UMAD1: variants seen among roughly 807,000 people sequenced by gnomAD.
UMAD1 encodes the protein UBAP1-MVB12-associated (UMA)-domain containing protein 1.
Under a neutral mutation model 6.1 loss-of-function variants are expected in UMAD1, and 8 were observed. The ratio of observed to expected loss-of-function variants is 1.30; its 90% CI spans 0.76 to 2.35. The LOEUF (loss-of-function observed/expected upper bound fraction) is 2.35, where lower values mean the gene tolerates loss of function less well. UMAD1 is among the 30% of genes most tolerant of loss of function. The pLI, the probability that UMAD1 is intolerant of heterozygous loss-of-function variation, is 0.00. For missense variants in UMAD1, 130 were observed against 78.4 expected, an observed-to-expected ratio of 1.66 and a Z score of -2.49; for synonymous variants, 56 against 31.4, an observed-to-expected ratio of 1.78 and a Z score of -2.61.
chr7:7,728,209 T>G (rs1049573059), intron 2 of UMAD1, among the ~76,000 whole-genome samples: 17 of 152,198 alleles, frequency 1.1e-4, no homozygotes, highest in East Asian at 5.8e-4. Flanking sequence ...TGTAGGAATC[T>G]TTATAGTCAA....
intron 2 of UMAD1, among the ~76,000 whole-genome samples, chr7:7,704,355 A>C (rs1333756751): frequency 6.6e-6 from 1 of 152,146 alleles, no homozygotes; most frequent in Admixed American, 6.5e-5. Flanking sequence ...CTAATATGAA[A>C]AATATTAACA....
chr7:7,779,355 C>A lies in UMAD1; in HGVS notation c.83-22315C>A, dbSNP rs896513146. ...GCAGTACTACAATCATAGCTGACTT[C>A]CTGGGCTCAAGCAGTCCTCCCTTTT... On this transcript the variant is annotated intron_variant, in intron 2 of 3. Transcript: ENST00000682710. 3.9e-5 allele frequency among the ~76,000 whole-genome samples: 6 copies of A among 152,050 alleles called. No individual in the cohort carries two copies. In the South Asian group the frequency reaches 8.3e-4, roughly 21 times the overall value.
intron 3 of UMAD1, among the ~76,000 whole-genome samples, chr7:7,826,179 T>C (rs1247655214): frequency 2.6e-5 from 4 of 152,168 alleles, no homozygotes; most frequent in Non-Finnish European, 5.9e-5. Context: ...AAGTAATTGA[T>C]ATTCCTGAAC....
At chr7:7,780,853 G>A (rs553582281) in intron 2 of UMAD1, among the ~76,000 whole-genome samples, 160 of 152,164 alleles carry the variant, frequency 1.1e-3, no homozygotes, top group African/African-American at 3.8e-3. Flanking sequence ...GCATTAATAT[G>A]TTTTAAAACA....
chr7:7,707,133 T>C (rs952700235), intron 2 of UMAD1, among the ~76,000 whole-genome samples: 4 of 152,188 alleles, frequency 2.6e-5, no homozygotes, highest in Non-Finnish European at 5.9e-5. Context: ...GGATTGCTGT[T>C]TGTGCACATT....
chr7:7,837,845 C>T (rs909669790), intron 3 of UMAD1, among the ~76,000 whole-genome samples: 5 of 151,962 alleles, frequency 3.3e-5, no homozygotes, highest in Admixed American at 2.6e-4. Context: ...ACGTGAAAAC[C>T]CTACATAAGG....
intron 1 of UMAD1, among the ~76,000 whole-genome samples, chr7:7,659,826 C>T (rs1056614523): frequency 6.6e-6 from 1 of 152,054 alleles, no homozygotes; most frequent in Non-Finnish European, 1.5e-5. Flanking sequence ...TCTGCTTGGT[C>T]CAGAGCCAAG....
At chr7:7,686,187 G>C (rs1452030542) in intron 2 of UMAD1, among the ~76,000 whole-genome samples, 1 of 152,156 alleles carries the variant, frequency 6.6e-6, no homozygotes. Flanking sequence ...TATTCTAGGT[G>C]GTGGGGCAGA....
intron 3 of UMAD1, among the ~76,000 whole-genome samples, chr7:7,847,591 T>A (rs1783829202): frequency 6.6e-6 from 1 of 152,078 alleles, no homozygotes; most frequent in South Asian, 2.1e-4. Context: ...CTCATTTCAT[T>A]GCATGTTACT....
intron 2 of UMAD1, among the ~76,000 whole-genome samples, chr7:7,724,633 T>C (rs542773009): frequency 5.3e-5 from 8 of 152,368 alleles, no homozygotes; most frequent in African/African-American, 1.9e-4. Flanking sequence ...GTTTGGCCTA[T>C]GCAGAAGGCA....
At chr7:7,791,051 C>G (rs71533378) in intron 2 of UMAD1, among the ~76,000 whole-genome samples, 1 of 152,100 alleles carries the variant, frequency 6.6e-6, no homozygotes, top group Non-Finnish European at 1.5e-5. Flanking sequence ...CACCACACCT[C>G]TAATTTTTGT....
At chr7:7,813,986 A>AT (rs1279816538) in intron 3 of UMAD1, among the ~76,000 whole-genome samples, 1 of 144,308 alleles carries the variant, frequency 6.9e-6, no homozygotes. Flanking sequence ...ATTGCTTTTT[A>AT]TTTATTTTTT....
intron 2 of UMAD1, among the ~76,000 whole-genome samples, chr7:7,678,548 A>AATATATATTTATATACTTAATTTATAG (rs1341674956): frequency 7.3e-6 from 1 of 137,612 alleles, no homozygotes; most frequent in Non-Finnish European, 1.5e-5. Context: ...TTTATAGATA[A>AATATATATTTATATACTTAATTTATAG]ATATATATTT....
intron 2 of UMAD1, chr7:7,718,532 A>C (rs984457330): frequency 3.9e-5 from 6 of 152,244 alleles, no homozygotes; most frequent in Admixed American, 1.3e-4. Context: ...AGACGATTGT[A>C]AATGTGTGTT....
chr7:7,779,721 T>C lies in UMAD1; in HGVS notation c.83-21949T>C, dbSNP rs183503381. 4.5e-3 allele frequency among the ~76,000 whole-genome samples: 680 copies of C among 152,264 alleles called. 2 individuals are homozygous for C. The highest frequency in any genetic ancestry group is 0.01 in the Middle Eastern group (3 of 294). ...GTGCAGTGGCACAATCTCAGCTCAC[T>C]GCAACCTCCACCTCCTGTGCTCAAG... is the stretch of plus-strand genomic sequence containing the variant. On this transcript the variant is annotated intron_variant, in intron 2 of 3. Coordinates refer to ENST00000682710, the MANE Select transcript of UMAD1 (RefSeq NM_001302348.2).
chr7:7,662,115 G>C (rs1055465917), intron 1 of UMAD1, among the ~76,000 whole-genome samples: 1 of 152,148 alleles, frequency 6.6e-6, no homozygotes, highest in African/African-American at 2.4e-5. Flanking sequence ...ACTGTGAGGG[G>C]AAAACGGCCC....
At chr7:7,792,847 T>C (rs956178946) in intron 2 of UMAD1, among the ~76,000 whole-genome samples, 1 of 152,158 alleles carries the variant, frequency 6.6e-6, no homozygotes, top group Non-Finnish European at 1.5e-5. Flanking sequence ...TTTTGGTTCG[T>C]AGAAGGCATC....
intron 3 of UMAD1, among the ~76,000 whole-genome samples, chr7:7,847,542 G>T (rs968063884): frequency 6.6e-6 from 1 of 151,940 alleles, no homozygotes; most frequent in Non-Finnish European, 1.5e-5. Context: ...GTCAAAATGA[G>T]TTGTCTTTTT....
chr7:7,739,204 A>C (rs779255238), intron 2 of UMAD1, among the ~76,000 whole-genome samples: 4 of 152,242 alleles, frequency 2.6e-5, no homozygotes, highest in Non-Finnish European at 4.4e-5. Context: ...TCGACAGACC[A>C]CAGATGAGTA....
Sources: gnomAD v4.1 joint callset for allele counts (sites outside exome capture counted in the v4.1 genomes callset) on GRCh38, gnomAD v4.1.1 for gene constraint, MANE v1.5 for transcripts, NCBI Gene and HGNC (gene_info 2026-07-23, HGNC 2026-07-21) for gene names.